FLNC: variants seen among roughly 807,000 people sequenced by gnomAD.
FLNC encodes filamin-C.
FLNC carries 91 observed loss-of-function variants against 254.3 expected under a neutral mutation model. That is an observed-to-expected ratio of 0.36 (90% CI 0.30 to 0.43). The LOEUF (loss-of-function observed/expected upper bound fraction) is 0.43. Among genes scored for constraint, FLNC ranks in the 20% least tolerant of loss-of-function variants. The probability of loss-of-function intolerance (pLI) is 1.00; values close to 1 mark genes in which losing one functional copy is unlikely to be tolerated. For synonymous variants in FLNC, 1,430 were observed against 1,577.2 expected, an observed-to-expected ratio of 0.91 and a Z score of 2.21; for missense variants, 2,853 against 3,802.6, an observed-to-expected ratio of 0.75 and a Z score of 6.57.
intron 32 of FLNC, 31 bp from the exon 33 acceptor site, chr7:128,850,772 G>T (rs1459908584): frequency 6.2e-7 from 1 of 1,613,462 alleles, no homozygotes; most frequent in Non-Finnish European, 8.5e-7. Flanking sequence ...GGGGAAACCA[G>T]GGTCTCCACG....
chr7:128,842,237 G>A lies in FLNC; in HGVS notation c.2128G>A (p.Asp710Asn), dbSNP rs370035829. Residue 710 changes from aspartate (D) to asparagine (N), a missense_variant, in exon 14 of 48, where the codon GAC becomes AAC. This residue lies in a region of FLNC where 1,573 missense variants were observed against 1,883.5 expected (regional missense o/e 0.84). Coordinates refer to ENST00000325888, the MANE Select transcript of FLNC (RefSeq NM_001458.5). The surrounding 1 kb of genome is among the most constrained non-coding windows in gnomAD (Gnocchi z 5.4). ...GDLKLYAQDA[D>N]GCPIDIKVIP... ...GCTTGGGTGATGCCCACAGGACGCC[G>A]ACGGCTGTCCCATCGACATCAAGGT... 736 of 1,613,498 alleles carry A rather than the reference G, an allele frequency of 4.6e-4. No individual in the cohort carries two copies. The highest frequency in any genetic ancestry group is 5.8e-4 in the Admixed American group (35 of 60,002).
chr7:128,856,436 G>A lies in FLNC; in HGVS notation c.7252-82G>A. The stretch of plus-strand genomic sequence containing the variant: ...CAGCAGCCTTTGGGCTGGGCTTACA[G>A]TGAGCACCGTGTGGGGCTTCAGAGA... On this transcript the variant is annotated intron_variant, in intron 43 of 47. Transcript: ENST00000325888. This position sits in a 1 kb window ranked among gnomAD's most constrained non-coding sequence, Gnocchi z 5.9. The A allele has an allele frequency of 6.4e-7, 1 of 1,566,136 alleles. No individual in the cohort carries two copies. The highest frequency in any genetic ancestry group is 8.7e-7 in the Non-Finnish European group (1 of 1,150,420).
At position 128,853,754 on chromosome 7, in the gene FLNC, T is replaced by C; in HGVS notation, c.6401T>C (p.Met2134Thr). 6.2e-7 allele frequency: 1 copy of C among 1,613,822 alleles called. No individual in the cohort carries two copies. Among genetic ancestry groups the C allele is most frequent in the South Asian group, 1.1e-5 (1 of 91,084 alleles). Reference sequence around the variant, plus strand: ...GTGAAGGTGACCGGCGAGGGCCGCATGAAGGAGAGCATCACCCGGCGGAGA... The same window carrying C: ...GTGAAGGTGACCGGCGAGGGCCGCACGAAGGAGAGCATCACCCGGCGGAGA... ...FTVKVTGEGR[M>T]KESITRRRQA... Residue 2134 changes from methionine to threonine, a missense_variant, in exon 39 of 48, where the codon ATG (methionine) becomes ACG (threonine). Coordinates refer to ENST00000325888, the MANE Select transcript of FLNC (RefSeq NM_001458.5).
At chr7:128,838,551 C>G (rs113902193) in intron 7 of FLNC, 52 bp from the exon 8 acceptor site, 1 of 1,608,210 alleles carries the variant, frequency 6.2e-7, no homozygotes, top group South Asian at 1.1e-5. Context: ...GTGAGGGCAC[C>G]GGGGCAGCTG....
At chr7:128,845,438 C>CG (rs895310087) in intron 21 of FLNC, among the ~76,000 whole-genome samples, 183 bp downstream of exon 21, 1 of 151,918 alleles carries the variant, frequency 6.6e-6, no homozygotes, top group African/African-American at 2.4e-5. Flanking sequence ...AGGGGAAGAC[C>CG]GGGGGTGGAG....
In FLNC at chr7:128,853,818, C is replaced by G; in HGVS notation, c.6465C>G (p.Asp2155Glu). Residue 2155 changes from aspartate (D) to glutamate (E), a missense_variant, in exon 39 of 48, where the codon GAC (aspartate) becomes GAG (glutamate). By Grantham distance (45) the Asp-to-Glu change is conservative. This residue lies in a region of FLNC where 551 missense variants were observed against 835.0 expected (regional missense o/e 0.66). Coordinates refer to ENST00000325888, the MANE Select transcript of FLNC (RefSeq NM_001458.5). Reference sequence around the variant, plus strand: ...TCGCCACCATCGGCAGCACCTGTGACCTCAACCTCAAGATCCCAGGTAGAA... The same window carrying G: ...TCGCCACCATCGGCAGCACCTGTGAGCTCAACCTCAAGATCCCAGGTAGAA... ...PSIATIGSTC[D>E]LNLKIPGNWF... The G allele has an allele frequency of 6.2e-7, 1 of 1,613,574 alleles. No homozygotes were observed. Among genetic ancestry groups the G allele is most frequent in the Non-Finnish European group, 8.5e-7 (1 of 1,180,018 alleles).
intron 1 of FLNC, among the ~76,000 whole-genome samples, chr7:128,831,917 G>C (rs1036540019): frequency 6.6e-6 from 1 of 152,180 alleles, no homozygotes; most frequent in Non-Finnish European, 1.5e-5. Context: ...CTGAGGCTGG[G>C]GGCCTGGGGA....
In FLNC at chr7:128,830,592, C is replaced by G. The variant is rs760114947; in HGVS notation, c.-46C>G. On this transcript the variant is annotated 5_prime_UTR_variant, in exon 1 of 48. Coordinates refer to ENST00000325888, the MANE Select transcript of FLNC (RefSeq NM_001458.5). ...ACAGCGCCCGACAGCCCCCGATAGC[C>G]CAAACCGCGGCCCTAGCCCCGGCCG... 47 of 1,577,762 alleles carry G rather than the reference C, an allele frequency of 3.0e-5. No homozygotes were observed. The highest frequency in any genetic ancestry group is 3.8e-5 in the Non-Finnish European group (44 of 1,153,638).
chr7:128,832,501 A>G (rs1398161459), intron 1 of FLNC, among the ~76,000 whole-genome samples: 3 of 151,932 alleles, frequency 2.0e-5, no homozygotes, highest in African/African-American at 7.3e-5. Flanking sequence ...CATATAGGAA[A>G]CCGCTCAGCC....
In FLNC at chr7:128,830,550, C is replaced by G; in HGVS notation, c.-88C>G. 9.2e-7 allele frequency: 1 copy of G among 1,088,208 alleles called. No individual in the cohort carries two copies. Among genetic ancestry groups the G allele is most frequent in the Non-Finnish European group, 1.4e-6 (1 of 727,214 alleles). 67.4% of individuals were successfully genotyped at this position (1,088,208 alleles called of 1,614,324 possible). A position where few individuals can be genotyped will look rare whatever the true frequency, so the allele number is the denominator to read the frequency against. On this transcript the variant is annotated 5_prime_UTR_variant, in exon 1 of 48. Coordinates refer to ENST00000325888, the MANE Select transcript of FLNC (RefSeq NM_001458.5). Reference sequence around the variant, plus strand: ...AGGAGAGCAGCGCAGCGCAGCGAGTCCCGTGGTCGCGCCCCAACAGCGCCC... The same window carrying G: ...AGGAGAGCAGCGCAGCGCAGCGAGTGCCGTGGTCGCGCCCCAACAGCGCCC...
chr7:128,843,744 G>A, intron 18 of FLNC, 52 bp from the exon 19 acceptor site: 2 of 1,556,838 alleles, frequency 1.3e-6, no homozygotes, highest in Non-Finnish European at 1.8e-6. Flanking sequence ...CCACCAGGAT[G>A]TTGTAGGACC....
chr7:128,845,920 G>T, intron 21 of FLNC, 70 bp from the exon 22 acceptor site: 1 of 1,387,854 alleles, frequency 7.2e-7, no homozygotes, highest in South Asian at 1.2e-5. Context: ...GAAAGGAGGG[G>T]GAGAGGAGAG....
In FLNC at chr7:128,858,887, T is replaced by G. The variant is rs1390899943; in HGVS notation, c.*364T>G. The stretch of plus-strand genomic sequence containing the variant: ...GCATTGTGTTGTGGGTGTCTGTGTG[T>G]GAGGTCACCCTCAAACTGCACCGCC... On this transcript the variant is annotated 3_prime_UTR_variant, in exon 48 of 48. Coordinates refer to ENST00000325888, the MANE Select transcript of FLNC (RefSeq NM_001458.5). The surrounding 1 kb of genome is among the most constrained non-coding windows in gnomAD (Gnocchi z 6.7). 1.8e-5 allele frequency: 6 copies of G among 338,720 alleles called. No individual in the cohort carries two copies. Among genetic ancestry groups the G allele is most frequent in the Non-Finnish European group, 3.4e-5 (6 of 178,052 alleles). 21.0% of individuals were successfully genotyped at this position (338,720 alleles called of 1,614,324 possible).
Position 128,835,663 on chromosome 7 carries a change from A to C in FLNC, c.601+89A>C, listed in dbSNP as rs1808068937. On this transcript the variant is annotated intron_variant, in intron 2 of 47. Transcript: ENST00000325888. This position sits in a 1 kb window ranked among gnomAD's most constrained non-coding sequence, Gnocchi z 5.3. ...GGCTGCCAAGGCGTGTGGTTGTCAG[A>C]ATGCACACCCTGGGGCCTGGGGGCC... is the stretch of plus-strand genomic sequence containing the variant. 2 of 1,445,066 alleles carry C rather than the reference A, an allele frequency of 1.4e-6. No individual in the cohort carries two copies. Among genetic ancestry groups the C allele is most frequent in the African/African-American group, 1.4e-5 (1 of 71,700 alleles). The allele number at this position is 1,445,066 out of a possible 1,614,324, so 89.5% of individuals were successfully genotyped here.
At position 128,858,758 on chromosome 7, in the gene FLNC, C is replaced by A. The variant is rs549926568; in HGVS notation, c.*235C>A. ...CTCCCTGGGAATGTGACATGAGGGC[C>A]GACTGGGGCCAGGCTCAGGGGCAGA... is the stretch of plus-strand genomic sequence containing the variant. On this transcript the variant is annotated 3_prime_UTR_variant, in exon 48 of 48. Coordinates refer to ENST00000325888, the MANE Select transcript of FLNC (RefSeq NM_001458.5). This position sits in a 1 kb window ranked among gnomAD's most constrained non-coding sequence, Gnocchi z 6.7. 4.6e-5 allele frequency: 26 copies of A among 567,630 alleles called. No individual in the cohort carries two copies. In the South Asian group the frequency reaches 5.3e-4, roughly 12 times the overall value. 35.2% of individuals were successfully genotyped at this position (567,630 alleles called of 1,614,324 possible).
At chr7:128,831,092 C>A in intron 1 of FLNC, 103 bp downstream of exon 1, 2 of 1,063,300 alleles carry the variant, frequency 1.9e-6, no homozygotes, top group Non-Finnish European at 2.7e-6. Context: ...AGAGACAGGG[C>A]GGAGGGCACC....
rs150285287 is a variant in FLNC, at chr7:128,835,373, A to G, written c.400A>G (p.Ile134Val). ...GAACCTGAAGCTGATCCTGGGCCTG[A>G]TCTGGACGCTGATCCTGCACTACTC... is the stretch of plus-strand genomic sequence containing the variant. The part of the protein sequence containing the change: ...DGNLKLILGL[I>V]WTLILHYSIS... The change falls in exon 2 of 48, where the codon ATC (isoleucine) becomes GTC (valine). Residue 134 changes from isoleucine (I) to valine (V), a missense_variant. Coordinates refer to ENST00000325888, the MANE Select transcript of FLNC (RefSeq NM_001458.5). This position sits in a 1 kb window ranked among gnomAD's most constrained non-coding sequence, Gnocchi z 5.3. The G allele has an allele frequency of 6.8e-6, 11 of 1,614,030 alleles. No homozygotes were observed. In the African/African-American group the frequency reaches 1.2e-4, roughly 18 times the overall value.
Position 128,848,946 on chromosome 7 carries a change from C to T in FLNC, c.4891C>T (p.Leu1631=). 1 of 1,613,462 alleles carries T rather than the reference C, an allele frequency of 6.2e-7. No individual in the cohort carries two copies. Among genetic ancestry groups the T allele is most frequent in the Non-Finnish European group, 8.5e-7 (1 of 1,179,882 alleles). ...CTACTCGCCCTTCCGCATCCATGCT[C>T]TGCCCACTGGGGATGCCAGCAAGTG... is the stretch of plus-strand genomic sequence containing the variant. ...IPYSPFRIHA[L]PTGDASKCLV... is the part of the protein sequence containing the mutation. The change falls in exon 28 of 48, where the codon CTG becomes TTG. Residue 1631 remains leucine (L), a synonymous_variant. Transcript: ENST00000325888.
intron 30 of FLNC, among the ~76,000 whole-genome samples, 167 bp from the exon 31 acceptor site, chr7:128,849,809 C>T (rs1466529743): frequency 2.0e-5 from 3 of 152,228 alleles, no homozygotes; most frequent in Admixed American, 2.0e-4. Flanking sequence ...TGGAGGAACC[C>T]GCTGTGCTCT....
Sources: allele counts gnomAD v4.1 joint callset (sites outside exome capture counted in the v4.1 genomes callset), GRCh38; gene constraint gnomAD v4.1.1; regional missense constraint gnomAD v4.1.1; non-coding constraint Gnocchi (gnomAD v3.1); transcripts MANE v1.5; gene names NCBI Gene and HGNC (gene_info 2026-07-23, HGNC 2026-07-21).